Variants in PLGLB2 observed in about 807,000 individuals in gnomAD.
PLGLB2 encodes the protein plasminogen like B2, also known as plasminogen-like protein B.
chr2:87,750,240 T>C (rs1684624187), intron 1 of PLGLB2, among the ~76,000 whole-genome samples: 2 of 152,210 alleles, frequency 1.3e-5, no homozygotes, highest in Admixed American at 6.5e-5. Flanking sequence ...GGGAAATAAA[T>C]GGAAGTTTTC....
intron 1 of PLGLB2, among the ~76,000 whole-genome samples, chr2:87,750,139 G>A (rs998090590): frequency 6.6e-6 from 1 of 152,292 alleles, no homozygotes; most frequent in Non-Finnish European, 1.5e-5. Context: ...TCTGTTTTGG[G>A]ATATTTCCTA....
chr2:87,756,370 G>A (rs4347840), intron 3 of PLGLB2: 29,678 of 134,596 alleles, frequency 0.22, 121 homozygotes, highest in East Asian at 0.37. Context: ...TTTCAGCCTC[G>A]GAAAAGCCTG....
At chr2:87,750,897 A>G (rs547808662) in intron 1 of PLGLB2, among the ~76,000 whole-genome samples, 1 of 129,160 alleles carries the variant, frequency 7.7e-6, no homozygotes, top group South Asian at 2.9e-4. Flanking sequence ...TCGTCACTCT[A>G]TAACCCACTC....
In PLGLB2 at chr2:87,750,212, A is replaced by G. The variant is rs1179151617; in HGVS notation, c.49+2010A>G. Among the ~76,000 whole-genome samples the G allele has an allele frequency of 2.0e-5, 3 of 152,282 alleles. No homozygotes were observed. The East Asian group carries it at 5.8e-4, about 29-fold the overall frequency. On this transcript the variant is annotated intron_variant, in intron 1 of 3. Coordinates refer to ENST00000359481, the MANE Select transcript of PLGLB2 (RefSeq NM_002665.4). ...GCTATGAAGTATAATAACATGACAC[A>G]GAGAACTTAATTGAAGGGGGAAATA... is the stretch of plus-strand genomic sequence containing the variant.
chr2:87,750,906 TC>T (rs1409866244), intron 1 of PLGLB2, among the ~76,000 whole-genome samples: 2 of 125,834 alleles, frequency 1.6e-5, no homozygotes, highest in African/African-American at 5.7e-5. Flanking sequence ...TATAACCCAC[TC>T]CCTCTGCCTG....
chr2:87,755,178 CA>C (rs1346954386), intron 3 of PLGLB2, among the ~76,000 whole-genome samples: 1 of 114,394 alleles, frequency 8.7e-6, no homozygotes, highest in African/African-American at 3.9e-5. Context: ...AAATAAGACC[CA>C]AAGACTTCCC....
chr2:87,748,921 A>G (rs1234186943), intron 1 of PLGLB2, among the ~76,000 whole-genome samples: 1 of 127,030 alleles, frequency 7.9e-6, no homozygotes, highest in Non-Finnish European at 1.6e-5. Context: ...TAGCATATTC[A>G]CCCTCATTTT....
At chr2:87,750,704 C>T (rs1386490459) in intron 1 of PLGLB2, among the ~76,000 whole-genome samples, 27 of 150,628 alleles carry the variant, frequency 1.8e-4, no homozygotes, top group South Asian at 4.3e-4. Context: ...GAGGTCAGGA[C>T]GGGCCTTTCT....
At chr2:87,756,536 C>G (rs1170374557) in intron 3 of PLGLB2, 2 of 324,772 alleles carry the variant, frequency 6.2e-6, no homozygotes, top group African/African-American at 4.3e-5. Flanking sequence ...AGAATGTGAG[C>G]TCTATGATGG....
intron 3 of PLGLB2, chr2:87,756,449 C>T (rs1228211983): frequency 5.5e-5 from 13 of 237,912 alleles, no homozygotes; most frequent in African/African-American, 2.0e-4. Context: ...AACATGTATC[C>T]ATGTATCATC....
chr2:87,754,661 A>G (rs1271934927), intron 3 of PLGLB2, among the ~76,000 whole-genome samples: 1 of 145,724 alleles, frequency 6.9e-6, no homozygotes, highest in Admixed American at 7.0e-5. Flanking sequence ...GATGAAATCT[A>G]AACTTTATCT....
chr2:87,751,546 G>T (rs1225121224), intron 1 of PLGLB2: 1 of 150,724 alleles, frequency 6.6e-6, no homozygotes, highest in Non-Finnish European at 1.5e-5. Flanking sequence ...CTTCCCACCA[G>T]TTCAAGTGAC....
intron 3 of PLGLB2, chr2:87,756,527 G>C (rs1210765711): frequency 1.3e-5 from 4 of 316,878 alleles, no homozygotes; most frequent in East Asian, 6.3e-5. Flanking sequence ...GATTCCACTA[G>C]AATGTGAGCT....
chr2:87,750,286 A>G (rs1684625279), intron 1 of PLGLB2, among the ~76,000 whole-genome samples: 1 of 151,588 alleles, frequency 6.6e-6, no homozygotes, highest in African/African-American at 2.4e-5. Context: ...GCTCTGCTAT[A>G]CTTCAAAAAA....
intron 1 of PLGLB2, chr2:87,751,462 C>T (rs1684644098): frequency 1.3e-5 from 2 of 150,804 alleles, no homozygotes; most frequent in African/African-American, 4.8e-5. Flanking sequence ...TAATTTAGTT[C>T]AGTTCTTGTT....
chr2:87,753,833 ATTTT>A (rs1251654940), intron 3 of PLGLB2, among the ~76,000 whole-genome samples, 199 bp downstream of exon 3: 2 of 133,016 alleles, frequency 1.5e-5, no homozygotes, highest in African/African-American at 5.1e-5. Flanking sequence ...CCTAGATTTA[ATTTT>A]TTTTTGTTCA....
chr2:87,751,416 C>A (rs1451792626), intron 1 of PLGLB2: 1 of 149,470 alleles, frequency 6.7e-6, no homozygotes, highest in Non-Finnish European at 1.5e-5. Context: ...TCTTACCCTC[C>A]AGTGTTTTGC....
Position 87,758,308 on chromosome 2 carries a change from AAG to A in PLGLB2, c.*1496_*1497del, listed in dbSNP as rs1558713896. Among the ~76,000 whole-genome samples, 30 of 103,766 alleles carry A rather than the reference AAG, an allele frequency of 2.9e-4. No individual in the cohort carries two copies. The East Asian group carries it at 8.5e-3, about 29-fold the overall frequency. The allele number at this position is 103,766 out of a possible 152,430, so 68.1% of individuals were successfully genotyped here. Reference sequence around the variant, plus strand: ...AAATGGTTTTTTTTATTAGGACTAAAAGAGAGAATGTGTGGAAAGATGTTAGT... The same window carrying A: ...AAATGGTTTTTTTTATTAGGACTAAAAGAGAATGTGTGGAAAGATGTTAGT... On this transcript the variant is annotated 3_prime_UTR_variant, in exon 4 of 4. Coordinates refer to ENST00000359481, the MANE Select transcript of PLGLB2 (RefSeq NM_002665.4).
At chr2:87,751,132 C>T (rs1343605887) in intron 1 of PLGLB2, 1 of 100,296 alleles carries the variant, frequency 1.0e-5, no homozygotes, top group Non-Finnish European at 2.2e-5. Flanking sequence ...CAAGGGAACA[C>T]CCTGTAGCCT....
Sources: gnomAD v4.1 joint callset for allele counts (sites outside exome capture counted in the v4.1 genomes callset) on GRCh38, gnomAD v4.1.1 for gene constraint, MANE v1.5 for transcripts, NCBI Gene and HGNC (gene_info 2026-07-23, HGNC 2026-07-21) for gene names.